The following TBC1D15 variants were observed in gnomAD, a reference collection of about 807,000 sequenced individuals.
The protein encoded by TBC1D15 is GAP for RAB7.
TBC1D15 carries 39 observed loss-of-function variants against 95.4 expected under a neutral mutation model. That is an observed-to-expected ratio of 0.41 (90% confidence interval 0.32 to 0.53). TBC1D15 has a LOEUF of 0.53. Ranked by LOEUF, TBC1D15 falls within the 20% of genes least tolerant of loss-of-function variation. The pLI is 0.29. For missense variants in TBC1D15, 733 were observed against 794.3 expected (o/e 0.92, Z 0.93); for synonymous variants, 258 against 261.3 (o/e 0.99, Z 0.12).
intron 1 of TBC1D15, 25 bp downstream of exon 1, chr12:71,839,836 C>T (rs1230386947): frequency 1.9e-6 from 3 of 1,614,020 alleles, no homozygotes; most frequent in African/African-American, 1.3e-5. Flanking sequence ...CCAGGAAGAC[C>T]TCGGCTTTTC....
At chr12:71,849,163 TAAAA>T in intron 1 of TBC1D15, 1 of 176,968 alleles carries the variant, frequency 5.7e-6, no homozygotes. Context: ...ACTGTGATTA[TAAAA>T]AAAAAAAAAA....
chr12:71,872,209 G>T, intron 2 of TBC1D15, 41 bp downstream of exon 2: 1 of 1,175,096 alleles, frequency 8.5e-7, no homozygotes, highest in South Asian at 1.5e-5. Flanking sequence ...AATAGTTTAT[G>T]GTAGTGATTC....
intron 1 of TBC1D15, among the ~76,000 whole-genome samples, chr12:71,860,918 A>C (rs1264853881): frequency 6.6e-6 from 1 of 152,110 alleles, no homozygotes; most frequent in Non-Finnish European, 1.5e-5. Flanking sequence ...ATCATGAGGG[A>C]TGTTTAATAT....
At chr12:71,914,038 T>A in intron 12 of TBC1D15, 112 bp downstream of exon 12, 1 of 714,892 alleles carries the variant, frequency 1.4e-6, no homozygotes. Context: ...CTTAAAAAAA[T>A]TACCTCATGC....
intron 11 of TBC1D15, among the ~76,000 whole-genome samples, chr12:71,908,926 G>A (rs1278240592): frequency 3.3e-5 from 5 of 152,130 alleles, no homozygotes; most frequent in East Asian, 1.9e-4. Context: ...CACCTTCAGC[G>A]CTTCAAACTC....
In TBC1D15 at chr12:71,907,119, T is replaced by C; in HGVS notation, c.1281T>C (p.Cys427=). 6.3e-7 allele frequency: 1 copy of C among 1,598,966 alleles called. No individual in the cohort carries two copies. The highest frequency in any genetic ancestry group is 2.2e-5 in the East Asian group (1 of 44,638). ...TTCATGACATTTTGATGACCTACTG[T>C]ATGTATGATTTTGATTTAGGTAAGT... is the stretch of plus-strand genomic sequence containing the variant. ...ILLHDILMTY[C]MYDFDLGYVQ... Residue 427 remains cysteine (C), a synonymous_variant, in exon 11 of 17, where the codon TGT becomes TGC. Transcript: ENST00000485960.
intron 1 of TBC1D15, chr12:71,841,311 C>A (rs1382561611): frequency 1.3e-5 from 2 of 152,186 alleles, no homozygotes; most frequent in Non-Finnish European, 2.9e-5. Context: ...TCTTTGCAGC[C>A]ACTACCTTTC....
chr12:71,870,582 A>G (rs1892457706), intron 1 of TBC1D15, among the ~76,000 whole-genome samples: 1 of 152,200 alleles, frequency 6.6e-6, no homozygotes, highest in Admixed American at 6.5e-5. Flanking sequence ...GAGGCAGTAA[A>G]AGTAATGTGG....
chr12:71,870,947 A>C (rs1376818360), intron 1 of TBC1D15, among the ~76,000 whole-genome samples: 2 of 152,202 alleles, frequency 1.3e-5, no homozygotes, highest in Non-Finnish European at 2.9e-5. Flanking sequence ...TGATATTCTG[A>C]AGACTAATAT....
chr12:71,850,053 G>A (rs1402102727), intron 1 of TBC1D15: 1 of 521,302 alleles, frequency 1.9e-6, no homozygotes, highest in Non-Finnish European at 3.7e-6. Flanking sequence ...AGAGTTCCCG[G>A]AACAGCCATC....
intron 1 of TBC1D15, among the ~76,000 whole-genome samples, chr12:71,871,538 T>G (rs887633265): frequency 1.3e-5 from 2 of 152,194 alleles, no homozygotes; most frequent in African/African-American, 4.8e-5. Context: ...CATTTTCAAT[T>G]CGAGCTCAGT....
chr12:71,857,092 AT>A (rs138411891), intron 1 of TBC1D15, among the ~76,000 whole-genome samples: 1 of 149,640 alleles, frequency 6.7e-6, no homozygotes, highest in Non-Finnish European at 1.5e-5. Flanking sequence ...TTTAAATTTA[AT>A]TTTTTTAAAT....
intron 1 of TBC1D15, chr12:71,849,172 A>C (rs999579651): frequency 7.9e-5 from 22 of 277,774 alleles, no homozygotes; most frequent in African/African-American, 2.0e-4. Context: ...ATAAAAAAAA[A>C]AAAAAACAAA....
Position 71,895,996 on chromosome 12 carries a change from T to C in TBC1D15, c.905T>C (p.Leu302Pro), listed in dbSNP as rs776909729. 3 of 1,612,802 alleles carry C rather than the reference T, an allele frequency of 1.9e-6. No individual in the cohort carries two copies. Among genetic ancestry groups the C allele is most frequent in the Non-Finnish European group, 1.7e-6 (2 of 1,179,078 alleles). The stretch of plus-strand genomic sequence containing the variant: ...GTTCAAAGGAGAGAACCGGTATCAC[T>C]GGAAGAATGGACTAAGAACATTGAT... ...PVVQRREPVS[L>P]EEWTKNIDSE... The change falls in exon 8 of 17, where the codon CTG becomes CCG. Residue 302 changes from leucine (L) to proline (P), a missense_variant. Physicochemically the swap from Leu to Pro is moderately conservative, Grantham distance 98. Transcript: ENST00000485960.
At chr12:71,857,134 G>T (rs942343704) in intron 1 of TBC1D15, among the ~76,000 whole-genome samples, 2 of 151,376 alleles carry the variant, frequency 1.3e-5, no homozygotes, top group Admixed American at 6.6e-5. Flanking sequence ...AGATGGGGGT[G>T]GGGGGGCATC....
intron 3 of TBC1D15, among the ~76,000 whole-genome samples, chr12:71,877,615 A>G (rs1894239693): frequency 7.0e-6 from 1 of 142,748 alleles, no homozygotes; most frequent in Non-Finnish European, 1.5e-5. Context: ...ATTTTCTAGG[A>G]AATTCACTTT....
intron 1 of TBC1D15, chr12:71,861,546 G>A (rs1890367839): frequency 7.0e-7 from 1 of 1,428,870 alleles, no homozygotes; most frequent in Non-Finnish European, 9.2e-7. Context: ...ATGTTTTAAT[G>A]TATAGTTTTT....
intron 10 of TBC1D15, among the ~76,000 whole-genome samples, chr12:71,902,663 C>T (rs1485999374): frequency 6.6e-6 from 1 of 152,000 alleles, no homozygotes; most frequent in Non-Finnish European, 1.5e-5. Flanking sequence ...AGGATATCGA[C>T]CCAGGCAAAG....
At chr12:71,846,930 T>G (rs1229568598) in intron 1 of TBC1D15, among the ~76,000 whole-genome samples, 2 of 151,872 alleles carry the variant, frequency 1.3e-5, no homozygotes, top group Non-Finnish European at 2.9e-5. Flanking sequence ...CCAGCTAGTT[T>G]TTGTATTTTT....
Sources: gnomAD v4.1 joint callset for allele counts (sites outside exome capture counted in the v4.1 genomes callset) on GRCh38, gnomAD v4.1.1 for gene constraint, MANE v1.5 for transcripts, NCBI Gene and HGNC (gene_info 2026-07-23, HGNC 2026-07-21) for gene names.